The following ACOXL variants were observed in gnomAD, a reference collection of about 807,000 sequenced individuals.
ACOXL encodes the protein acyl-coenzyme A oxidase-like protein.
A neutral mutation model predicts 71.9 loss-of-function variants in ACOXL; 70 were observed. The ratio of observed to expected loss-of-function variants is 0.97; its 90% confidence interval spans 0.80 to 1.19. The LOEUF (loss-of-function observed/expected upper bound fraction) is 1.19. ACOXL is among the 50% of genes most tolerant of loss of function. The probability of loss-of-function intolerance (pLI) is 0.00; values close to 1 mark genes in which losing one functional copy is unlikely to be tolerated. For missense variants in ACOXL, 703 were observed against 736.3 expected (o/e 0.95, Z 0.52); for synonymous variants, 253 against 281.6 (o/e 0.90, Z 1.02).
At chr2:110,949,715 A>G (rs2061252974) in intron 12 of ACOXL, among the ~76,000 whole-genome samples, 1 of 152,180 alleles carries the variant, frequency 6.6e-6, no homozygotes, top group Admixed American at 6.5e-5. Flanking sequence ...CACTAGGGAC[A>G]TGTATAGATG....
At chr2:111,083,262 G>C (rs1272883070) in intron 16 of ACOXL, among the ~76,000 whole-genome samples, 48 of 152,286 alleles carry the variant, frequency 3.2e-4, no homozygotes, top group Non-Finnish European at 6.0e-4. Context: ...TGTGTAAAAA[G>C]GGGGCTGTGT....
chr2:110,818,972 G>A lies in ACOXL; in HGVS notation c.753+13577G>A, dbSNP rs924834293. ...GAAGTAATTTTCAGAACACTGGAGA[G>A]CATAGTTCTATTCAGCACCTAAGGT... On this transcript the variant is annotated intron_variant, in intron 9 of 17. Coordinates refer to ENST00000439055, the MANE Select transcript of ACOXL (RefSeq NM_001142807.4). 1.8e-4 allele frequency among the ~76,000 whole-genome samples: 24 copies of A among 129,758 alleles called. 2 individuals carry two copies. Among genetic ancestry groups the A allele is most frequent in the African/African-American group, 5.5e-4 (22 of 40,022 alleles). The allele number at this position is 129,758 out of a possible 152,430, so 85.1% of individuals were successfully genotyped here.
At chr2:111,086,205 C>T (rs1009474413) in intron 16 of ACOXL, among the ~76,000 whole-genome samples, 6 of 152,204 alleles carry the variant, frequency 3.9e-5, no homozygotes, top group Non-Finnish European at 8.8e-5. Context: ...CTCCCCAACT[C>T]ATTCTATGAG....
intron 14 of ACOXL, among the ~76,000 whole-genome samples, chr2:111,011,916 A>T (rs62161543): frequency 0.2 from 30,048 of 149,638 alleles, 3,903 homozygotes; most frequent in Middle Eastern, 0.31. Flanking sequence ...GGAGTGTATT[A>T]CCAGGGATAA....
chr2:110,988,379 G>A (rs1049833289), intron 13 of ACOXL, among the ~76,000 whole-genome samples: 6 of 152,098 alleles, frequency 3.9e-5, no homozygotes, highest in Non-Finnish European at 8.8e-5. Context: ...GGCAGAGGTT[G>A]CAGTGAGCTG....
At chr2:110,915,893 G>A (rs1416702112) in intron 11 of ACOXL, among the ~76,000 whole-genome samples, 4 of 152,012 alleles carry the variant, frequency 2.6e-5, no homozygotes, top group African/African-American at 9.7e-5. Context: ...AAATAGGAAA[G>A]TGATCTCTTC....
At chr2:110,808,308 T>G (rs1251350786) in intron 9 of ACOXL, among the ~76,000 whole-genome samples, 3 of 152,094 alleles carry the variant, frequency 2.0e-5, no homozygotes, top group African/African-American at 7.2e-5. Context: ...ATCTTGTAAA[T>G]TAGGTGCTGC....
chr2:110,840,958 C>T (rs1691097488), intron 9 of ACOXL, among the ~76,000 whole-genome samples: 1 of 152,158 alleles, frequency 6.6e-6, no homozygotes, highest in Non-Finnish European at 1.5e-5. Flanking sequence ...TCCCAGGATC[C>T]CACCATGTGT....
In ACOXL at chr2:110,802,965, A is replaced by G. The variant is rs183411892; in HGVS notation, c.620+1241A>G. ...TTTATTATTATACAATATATAATGTATCAAAACATCACACTGTATTCCATC... is the reference window on the plus strand; with the variant it reads ...TTTATTATTATACAATATATAATGTGTCAAAACATCACACTGTATTCCATC... On this transcript the variant is annotated intron_variant, in intron 8 of 17. Coordinates refer to ENST00000439055, the MANE Select transcript of ACOXL (RefSeq NM_001142807.4). 1.6e-3 allele frequency among the ~76,000 whole-genome samples: 239 copies of G among 152,358 alleles called. 2 individuals carry two copies. The highest frequency in any genetic ancestry group is 5.7e-3 in the African/African-American group (236 of 41,582).
intron 9 of ACOXL, among the ~76,000 whole-genome samples, chr2:110,809,273 C>T (rs941589683): frequency 2.0e-5 from 3 of 152,216 alleles, no homozygotes; most frequent in African/African-American, 7.2e-5. Flanking sequence ...GCACTGGGGT[C>T]GTGCTCACCT....
intron 14 of ACOXL, among the ~76,000 whole-genome samples, chr2:111,014,640 G>C (rs75947806): frequency 0.013 from 2,053 of 152,324 alleles, 27 homozygotes; most frequent in Non-Finnish European, 0.02. Context: ...CAATCACATG[G>C]AAATGTGAAT....
At chr2:110,952,609 G>A (rs373034577) in intron 12 of ACOXL, among the ~76,000 whole-genome samples, 7 of 151,992 alleles carry the variant, frequency 4.6e-5, no homozygotes, top group African/African-American at 1.7e-4. Flanking sequence ...ATCATGCCCA[G>A]CTAATTTTTA....
In ACOXL at chr2:110,784,669, T is replaced by C. The variant is rs567969774; in HGVS notation, c.76-63T>C. The C allele has an allele frequency of 1.1e-5, 14 of 1,289,672 alleles. 1 individual carries two copies. The South Asian group carries it at 1.6e-4, about 15-fold the overall frequency. 79.9% of individuals were successfully genotyped at this position (1,289,672 alleles called of 1,614,324 possible). On this transcript the variant is annotated intron_variant, in intron 2 of 17. Transcript: ENST00000439055. ...AGTAACATGCATTTCTTATAAAAAC[T>C]GTGAATTTAACAAGTCAGAAAACCA...
At chr2:110,858,305 G>A (rs1191656959) in intron 10 of ACOXL, among the ~76,000 whole-genome samples, 1 of 152,166 alleles carries the variant, frequency 6.6e-6, no homozygotes, top group East Asian at 1.9e-4. Flanking sequence ...TAGAGAACAG[G>A]TGTCCTGGGA....
At chr2:110,997,372 A>T (rs778520088) in intron 14 of ACOXL, among the ~76,000 whole-genome samples, 43 of 152,208 alleles carry the variant, frequency 2.8e-4, no homozygotes, top group Non-Finnish European at 2.1e-4. Context: ...ACTTAGACAT[A>T]GATGAAAAAT....
At chr2:111,115,116 C>G (rs2070254923) in intron 17 of ACOXL, among the ~76,000 whole-genome samples, 1 of 152,060 alleles carries the variant, frequency 6.6e-6, no homozygotes, top group Non-Finnish European at 1.5e-5. Context: ...ATTCATTTGT[C>G]TTTTTCAAAA....
chr2:110,942,654 G>A (rs1159598120), intron 12 of ACOXL, among the ~76,000 whole-genome samples: 3 of 151,902 alleles, frequency 2.0e-5, no homozygotes, highest in Non-Finnish European at 4.4e-5. Flanking sequence ...GGGAGGCTGA[G>A]GCAGGTGGAT....
At chr2:111,078,595 AT>A (rs1371103591) in intron 16 of ACOXL, among the ~76,000 whole-genome samples, 3 of 152,126 alleles carry the variant, frequency 2.0e-5, no homozygotes, top group Admixed American at 6.6e-5. Flanking sequence ...GAAATTTACT[AT>A]TCTACCATTT....
intron 1 of ACOXL, among the ~76,000 whole-genome samples, chr2:110,756,903 T>C (rs1376493951): frequency 6.9e-6 from 1 of 145,214 alleles, no homozygotes; most frequent in Non-Finnish European, 1.5e-5. Flanking sequence ...TTTCTTCAGC[T>C]TTTTTTAAAT....
Sources: allele counts gnomAD v4.1 joint callset (sites outside exome capture counted in the v4.1 genomes callset), GRCh38; gene constraint gnomAD v4.1.1; transcripts MANE v1.5; gene names NCBI Gene and HGNC (gene_info 2026-07-23, HGNC 2026-07-21).